Variants in SV2C observed in about 807,000 individuals in gnomAD.
SV2C encodes the protein solute carrier family 22 member B3.
A neutral mutation model predicts 79.7 loss-of-function variants in SV2C; 49 were observed. That is an observed-to-expected ratio of 0.61 (90% confidence interval 0.49 to 0.78). SV2C has a LOEUF of 0.78. Ranked by LOEUF, SV2C falls within the 30% of genes least tolerant of loss-of-function variation. The probability of loss-of-function intolerance (pLI) is 0.00; values close to 1 mark genes in which losing one functional copy is unlikely to be tolerated. For missense variants in SV2C, 833 were observed against 912.9 expected, an observed-to-expected ratio of 0.91 and a Z score of 1.13; for synonymous variants, 334 against 333.2, an observed-to-expected ratio of 1.00 and a Z score of -0.03.
intron 12 of SV2C, among the ~76,000 whole-genome samples, chr5:76,303,027 T>A (rs955708971): frequency 2.0e-5 from 3 of 152,194 alleles, no homozygotes; most frequent in Non-Finnish European, 4.4e-5. Flanking sequence ...TGTCTCTAAC[T>A]TATATTTCTT....
rs1340092754 is a variant in SV2C, at chr5:76,221,052, C to CTGCA, written c.913+11166_913+11169dup. 4.6e-5 allele frequency among the ~76,000 whole-genome samples: 7 copies of CTGCA among 152,296 alleles called. No homozygotes were observed. The East Asian group carries it at 1.4e-3, about 29-fold the overall frequency. On this transcript the variant is annotated intron_variant, in intron 4 of 12. Transcript: ENST00000502798. Reference sequence around the variant, plus strand: ...ACAGGGAGGCAACTGGCCATCTCTGCTGCACCATTTCATTCTTACTCTGGA... The same window carrying CTGCA: ...ACAGGGAGGCAACTGGCCATCTCTGCTGCATGCACCATTTCATTCTTACTCTGGA...
intron 4 of SV2C, among the ~76,000 whole-genome samples, chr5:76,246,859 G>A (rs1026831076): frequency 2.6e-5 from 4 of 151,976 alleles, no homozygotes; most frequent in East Asian, 3.9e-4. Context: ...CCACACTAAC[G>A]CCCCTTCTTG....
chr5:75,998,636 G>A, the SV2C span, among the ~76,000 whole-genome samples: 5 of 152,036 alleles, frequency 3.3e-5, no homozygotes, highest in South Asian at 1.0e-3. Flanking sequence ...GTGTGTATGT[G>A]AGTGTGCATG....
chr5:76,100,655 T>A (rs1747711957), intron 1 of SV2C, among the ~76,000 whole-genome samples: 1 of 152,138 alleles, frequency 6.6e-6, no homozygotes, highest in Non-Finnish European at 1.5e-5. Context: ...CATGCATACC[T>A]GTGAGGGAGA....
chr5:75,959,631 A>G, the SV2C span, among the ~76,000 whole-genome samples: 16 of 151,998 alleles, frequency 1.1e-4, no homozygotes, highest in Non-Finnish European at 2.1e-4. Context: ...AATCTAATCT[A>G]GCTTCTATGA....
chr5:75,898,688 C>A, the SV2C span, among the ~76,000 whole-genome samples: 1 of 152,078 alleles, frequency 6.6e-6, no homozygotes, highest in African/African-American at 2.4e-5. Flanking sequence ...GCTGTGAATC[C>A]ATCTGGTCCT....
At chr5:75,868,368 C>T in the SV2C span, among the ~76,000 whole-genome samples, 1 of 152,078 alleles carries the variant, frequency 6.6e-6, no homozygotes, top group Non-Finnish European at 1.5e-5. Flanking sequence ...CCAAACAAAA[C>T]TTTGGGAGAG....
chr5:76,170,158 A>T (rs1743178203), intron 2 of SV2C, among the ~76,000 whole-genome samples: 1 of 150,444 alleles, frequency 6.6e-6, no homozygotes, highest in Non-Finnish European at 1.5e-5. Context: ...TAGTTGTAAC[A>T]TTAGGTTGGT....
chr5:76,298,832 ACT>A lies in SV2C; in HGVS notation c.1544_1545del (p.Ser515CysfsTer3). 1.2e-6 allele frequency: 2 copies of A among 1,613,854 alleles called. No individual in the cohort carries two copies. The highest frequency in any genetic ancestry group is 1.7e-6 in the Non-Finnish European group (2 of 1,179,848). On this transcript the variant is annotated frameshift_variant, in exon 10 of 13. Coordinates refer to ENST00000502798, the MANE Select transcript of SV2C (RefSeq NM_014979.4). LOFTEE classifies it high-confidence loss of function. ...AAGTTCAAATCTGTAACTTTCAAAG[ACT>A]CTGTTTTTAAGTCCTGCACCTTTGA...
chr5:76,183,067 A>T (rs1580337093), intron 2 of SV2C, among the ~76,000 whole-genome samples: 1 of 114,782 alleles, frequency 8.7e-6, no homozygotes, highest in Admixed American at 1.2e-4. Context: ...ACAGAGTCTC[A>T]CTCTTGTTGC....
intron 4 of SV2C, among the ~76,000 whole-genome samples, chr5:76,211,816 C>A (rs1501936): frequency 0.068 from 10,394 of 152,144 alleles, 732 homozygotes; most frequent in East Asian, 0.32. Context: ...TGCTGAGTTA[C>A]AAAATCATGT....
chr5:76,142,903 C>CTTTTTTTTTTTTTTTTTTT lies in SV2C; in HGVS notation c.580+10582_580+10583insTTTTTTTTTTTTTTTTTTT, dbSNP rs372569739. On this transcript the variant is annotated intron_variant, in intron 2 of 12. Coordinates refer to ENST00000502798, the MANE Select transcript of SV2C (RefSeq NM_014979.4). ...GGTATCTCTTCAACTTTTTCTTTTCCTTTTTTTTTGAGACGGAGTCTTGCT... is the reference window on the plus strand; with the variant it reads ...GGTATCTCTTCAACTTTTTCTTTTCCTTTTTTTTTTTTTTTTTTTTTTTTTTTTGAGACGGAGTCTTGCT... Among the ~76,000 whole-genome samples, 85 of 134,644 alleles carry CTTTTTTTTTTTTTTTTTTT rather than the reference C, an allele frequency of 6.3e-4. 2 individuals carry two copies. The highest frequency in any genetic ancestry group is 9.8e-4 in the Non-Finnish European group (60 of 61,226). The allele number at this position is 134,644 out of a possible 152,430, so 88.3% of individuals were successfully genotyped here.
chr5:76,219,694 A>G (rs984141733), intron 4 of SV2C, among the ~76,000 whole-genome samples: 1 of 152,146 alleles, frequency 6.6e-6, no homozygotes, highest in Admixed American at 6.5e-5. Flanking sequence ...CCACAGACCC[A>G]AAAGACGTCT....
At chr5:76,073,796 A>G in the SV2C span, among the ~76,000 whole-genome samples, 1 of 152,026 alleles carries the variant, frequency 6.6e-6, no homozygotes, top group Admixed American at 6.6e-5. Flanking sequence ...ATTGGGTACA[A>G]TGCACACTGC....
chr5:76,123,527 C>T (rs1365797615), intron 1 of SV2C, among the ~76,000 whole-genome samples: 3 of 152,174 alleles, frequency 2.0e-5, no homozygotes, highest in Non-Finnish European at 4.4e-5. Context: ...AGCTTATCCA[C>T]CATGATCAAG....
chr5:76,212,706 C>A (rs1488992447), intron 4 of SV2C, among the ~76,000 whole-genome samples: 3 of 152,138 alleles, frequency 2.0e-5, no homozygotes, highest in African/African-American at 7.2e-5. Context: ...CTACGTGTGT[C>A]CGTGTGTCCA....
intron 4 of SV2C, among the ~76,000 whole-genome samples, chr5:76,253,709 A>G (rs1746181280): frequency 8.2e-5 from 1 of 12,146 alleles, no homozygotes; most frequent in South Asian, 4.2e-3. Context: ...CTCCCTAAGG[A>G]AAAAAAAAAA....
chr5:76,161,458 T>C (rs886470646), intron 2 of SV2C, among the ~76,000 whole-genome samples: 5 of 152,120 alleles, frequency 3.3e-5, no homozygotes, highest in Non-Finnish European at 7.4e-5. Context: ...TGGAGTGCAG[T>C]GTAGCTGAGA....
the SV2C span, among the ~76,000 whole-genome samples, chr5:76,034,885 G>C: frequency 3.4e-4 from 51 of 152,160 alleles, no homozygotes; most frequent in Non-Finnish European, 6.9e-4. Context: ...GTCCTGGACT[G>C]TTTCTGGTTG....
Sources: gnomAD v4.1 joint callset for allele counts (sites outside exome capture counted in the v4.1 genomes callset) on GRCh38, gnomAD v4.1.1 for gene constraint, MANE v1.5 for transcripts, NCBI Gene and HGNC (gene_info 2026-07-23, HGNC 2026-07-21) for gene names.